The following RALYL variants were observed in gnomAD, a reference collection of about 807,000 sequenced individuals.
RALYL encodes the protein RNA-binding Raly-like protein.
In RALYL, 29 loss-of-function variants were observed where a neutral mutation model predicts 35.1. The ratio of observed to expected loss-of-function variants is 0.83; its 90% CI spans 0.61 to 1.13. RALYL has a LOEUF of 1.13. RALYL is among the 50% of genes most tolerant of loss of function. The pLI is 0.00. For synonymous variants in RALYL, 120 were observed against 127.6 expected (o/e 0.94, Z 0.40); for missense variants, 359 against 360.4 (o/e 1.00, Z 0.03).
intron 1 of RALYL, among the ~76,000 whole-genome samples, chr8:84,229,555 C>T (rs1185759568): frequency 1.3e-5 from 2 of 152,152 alleles, no homozygotes; most frequent in African/African-American, 4.8e-5. Context: ...AAACAGTCGA[C>T]ATTAACTTCC....
chr8:84,611,721 T>C (rs1440209307), intron 2 of RALYL, among the ~76,000 whole-genome samples: 1 of 152,126 alleles, frequency 6.6e-6, no homozygotes, highest in African/African-American at 2.4e-5. Flanking sequence ...ATATAAGTAT[T>C]TACACATTAC....
At chr8:84,282,251 G>T (rs1478164499) in intron 1 of RALYL, among the ~76,000 whole-genome samples, 1 of 151,328 alleles carries the variant, frequency 6.6e-6, no homozygotes, top group African/African-American at 2.4e-5. Context: ...ATAATTTTGT[G>T]TATGTATTTG....
chr8:84,873,219 C>T (rs1586892651), intron 6 of RALYL, 65 bp from the exon 7 acceptor site: 8 of 807,180 alleles, frequency 9.9e-6, no homozygotes, highest in East Asian at 5.6e-5. Context: ...CCTGTGAGTT[C>T]GGTCCTAGGT....
intron 2 of RALYL, among the ~76,000 whole-genome samples, chr8:84,760,595 A>G (rs1812453074): frequency 6.6e-6 from 1 of 152,126 alleles, no homozygotes; most frequent in South Asian, 2.1e-4. Flanking sequence ...TACCACATAA[A>G]TTATTTACAT....
At chr8:84,574,116 G>C (rs1333403922) in intron 2 of RALYL, among the ~76,000 whole-genome samples, 2 of 151,936 alleles carry the variant, frequency 1.3e-5, no homozygotes, top group Non-Finnish European at 2.9e-5. Flanking sequence ...AATCTGACAA[G>C]CAACTAAAGT....
chr8:84,728,683 T>C (rs1362822739), intron 2 of RALYL, among the ~76,000 whole-genome samples: 2 of 152,172 alleles, frequency 1.3e-5, no homozygotes, highest in African/African-American at 4.8e-5. Flanking sequence ...AGTTTCAGCT[T>C]TCTACATATG....
Position 84,661,287 on chromosome 8 carries a change from A to T in RALYL, c.257-113292A>T, listed in dbSNP as rs1830859930. On this transcript the variant is annotated intron_variant, in intron 2 of 8. Coordinates refer to ENST00000521268, the MANE Select transcript of RALYL (RefSeq NM_173848.7). ...TATTATTATTTTTGCCCTGTGATATACCATAGAATACAGTAAGATATATGA... is the reference window on the plus strand; with the variant it reads ...TATTATTATTTTTGCCCTGTGATATTCCATAGAATACAGTAAGATATATGA... 2.0e-5 allele frequency among the ~76,000 whole-genome samples: 3 copies of T among 152,234 alleles called. No individual in the cohort carries two copies. The South Asian group carries it at 6.2e-4, about 32-fold the overall frequency.
At chr8:84,438,105 T>G (rs1001260563) in intron 1 of RALYL, among the ~76,000 whole-genome samples, 2 of 152,142 alleles carry the variant, frequency 1.3e-5, no homozygotes, top group Non-Finnish European at 2.9e-5. Flanking sequence ...TTTAATGGGG[T>G]GATTGGGTTT....
intron 4 of RALYL, among the ~76,000 whole-genome samples, chr8:84,805,715 CAAT>C (rs1353627977): frequency 6.6e-6 from 1 of 152,056 alleles, no homozygotes. Context: ...AAAATAATAA[CAAT>C]AATATGTTTT....
chr8:84,800,985 GGCTATGATGTTT>G (rs1823111453), intron 3 of RALYL, among the ~76,000 whole-genome samples: 2 of 152,200 alleles, frequency 1.3e-5, no homozygotes, highest in Admixed American at 1.3e-4. Context: ...TCCTTGAGTT[GGCTATGATGTTT>G]GCTATATAAT....
At chr8:84,663,720 C>A (rs1831355554) in intron 2 of RALYL, among the ~76,000 whole-genome samples, 2 of 151,842 alleles carry the variant, frequency 1.3e-5, no homozygotes, top group African/African-American at 4.8e-5. Flanking sequence ...GATATTAGAC[C>A]TTTGTCTGAT....
At chr8:84,436,141 A>C (rs898970681) in intron 1 of RALYL, among the ~76,000 whole-genome samples, 1 of 152,156 alleles carries the variant, frequency 6.6e-6, no homozygotes, top group African/African-American at 2.4e-5. Context: ...AGTCTGAAGT[A>C]GTTGATCTAG....
At chr8:84,739,294 A>G (rs888588462) in intron 2 of RALYL, among the ~76,000 whole-genome samples, 8 of 151,906 alleles carry the variant, frequency 5.3e-5, no homozygotes, top group Admixed American at 3.3e-4. Context: ...TCGTATAATC[A>G]CTGGAAAGAG....
At chr8:84,316,621 T>C (rs1843802263) in intron 1 of RALYL, among the ~76,000 whole-genome samples, 1 of 152,160 alleles carries the variant, frequency 6.6e-6, no homozygotes, top group African/African-American at 2.4e-5. Flanking sequence ...CTGGCAGATC[T>C]ATTTCTTTTT....
chr8:84,270,428 G>A (rs1834073799), intron 1 of RALYL, among the ~76,000 whole-genome samples: 1 of 152,142 alleles, frequency 6.6e-6, no homozygotes, highest in Non-Finnish European at 1.5e-5. Flanking sequence ...GATCTTCAAA[G>A]TAATTATTCA....
chr8:84,737,046 C>T (rs373165560), intron 2 of RALYL, among the ~76,000 whole-genome samples: 2 of 152,032 alleles, frequency 1.3e-5, no homozygotes, highest in South Asian at 2.1e-4. Flanking sequence ...ATTTCTGTAA[C>T]CAGCCCTGGG....
intron 2 of RALYL, among the ~76,000 whole-genome samples, chr8:84,676,940 T>C (rs1834325630): frequency 6.6e-6 from 1 of 152,142 alleles, no homozygotes; most frequent in South Asian, 2.1e-4. Flanking sequence ...TAGCTAGGAC[T>C]ACAGGCACAT....
At chr8:84,382,802 T>G (rs1218138437) in intron 1 of RALYL, among the ~76,000 whole-genome samples, 2 of 151,736 alleles carry the variant, frequency 1.3e-5, no homozygotes, top group African/African-American at 2.4e-5. Flanking sequence ...TAACTCTTCA[T>G]GCTTCATGAA....
At chr8:84,759,658 T>C (rs766401273) in intron 2 of RALYL, among the ~76,000 whole-genome samples, 4 of 152,214 alleles carry the variant, frequency 2.6e-5, no homozygotes, top group African/African-American at 9.6e-5. Flanking sequence ...TGTGGTCTTA[T>C]GCAGGTTACT....
Sources: allele counts gnomAD v4.1 joint callset (sites outside exome capture counted in the v4.1 genomes callset), GRCh38; gene constraint gnomAD v4.1.1; transcripts MANE v1.5; gene names NCBI Gene and HGNC (gene_info 2026-07-23, HGNC 2026-07-21).